VPS13C: variants seen among roughly 807,000 people sequenced by gnomAD.
VPS13C encodes the protein vacuolar protein sorting 13 homolog C, also known as intermembrane lipid transfer protein VPS13C.
VPS13C carries 358 observed loss-of-function variants against 456.8 expected under a neutral mutation model. The ratio of observed to expected loss-of-function variants is 0.78; its 90% confidence interval spans 0.72 to 0.86. The LOEUF (loss-of-function observed/expected upper bound fraction) is 0.86. Among genes scored for constraint, VPS13C ranks in the 40% least tolerant of loss-of-function variants. The pLI is 0.00. For synonymous variants in VPS13C, 1,578 were observed against 1,486.7 expected (o/e 1.06, Z -1.41); for missense variants, 4,818 against 4,385.4 (o/e 1.10, Z -2.79).
intron 57 of VPS13C, 70 bp from the exon 58 acceptor site, chr15:61,919,519 G>A: frequency 7.4e-7 from 1 of 1,351,874 alleles, no homozygotes; most frequent in East Asian, 2.8e-5. Context: ...ACAATCATTA[G>A]TACCTCAAAA....
intron 45 of VPS13C, 131 bp from the exon 46 acceptor site, chr15:61,942,198 TAG>T: frequency 2.4e-6 from 2 of 819,628 alleles, no homozygotes; most frequent in Admixed American, 6.2e-5. Context: ...TTTGTGTATG[TAG>T]AGAGTGAAGT....
chr15:62,031,282 A>G (rs1490617171), intron 5 of VPS13C, among the ~76,000 whole-genome samples: 2 of 152,052 alleles, frequency 1.3e-5, no homozygotes, highest in East Asian at 1.9e-4. Flanking sequence ...GAGTTGAATC[A>G]TCTCCTCTCC....
intron 1 of VPS13C, among the ~76,000 whole-genome samples, chr15:62,056,254 G>C (rs766753395): frequency 2.0e-5 from 3 of 152,166 alleles, no homozygotes; most frequent in Non-Finnish European, 4.4e-5. Context: ...ATAGATCTTA[G>C]AGATATATGA....
intron 15 of VPS13C, among the ~76,000 whole-genome samples, chr15:62,005,985 T>G (rs1036595909): frequency 6.6e-6 from 1 of 151,996 alleles, no homozygotes; most frequent in African/African-American, 2.4e-5. Flanking sequence ...ATTATAGGTG[T>G]GAGCCACCAC....
At chr15:62,030,084 G>A (rs1347743235) in intron 5 of VPS13C, among the ~76,000 whole-genome samples, 1 of 152,040 alleles carries the variant, frequency 6.6e-6, no homozygotes, top group Non-Finnish European at 1.5e-5. Flanking sequence ...AGAGACAACA[G>A]GGTGGTACAG....
intron 68 of VPS13C, 97 bp from the exon 69 acceptor site, chr15:61,882,833 T>C: frequency 7.7e-7 from 1 of 1,292,942 alleles, no homozygotes; most frequent in Non-Finnish European, 1.0e-6. Flanking sequence ...AAAAAATCTT[T>C]ATCTTTATGT....
intron 15 of VPS13C, among the ~76,000 whole-genome samples, chr15:62,000,983 T>C (rs988647474): frequency 6.6e-6 from 1 of 152,208 alleles, no homozygotes; most frequent in Non-Finnish European, 1.5e-5. Flanking sequence ...CCCCCATTCT[T>C]ATCATTACAT....
intron 66 of VPS13C, among the ~76,000 whole-genome samples, chr15:61,900,587 C>A (rs2042967134): frequency 6.6e-6 from 1 of 151,592 alleles, no homozygotes. Flanking sequence ...GAACTACAAA[C>A]CACTGCTCAA....
chr15:61,854,251 G>C lies in VPS13C; in HGVS notation c.*206C>G. The stretch of plus-strand genomic sequence containing the variant: ...TCTGACCCATTTGGGTGGTGGCGTA[G>C]AAGTGGACTGCTAGCATATACATGG... On this transcript the variant is annotated 3_prime_UTR_variant, in exon 85 of 85. Transcript: ENST00000644861. The C allele has an allele frequency of 1.7e-6, 1 of 589,830 alleles. No individual in the cohort carries two copies. Among genetic ancestry groups the C allele is most frequent in the Non-Finnish European group, 3.0e-6 (1 of 331,488 alleles). The allele number at this position is 589,830 out of a possible 1,614,324, so 36.5% of individuals were successfully genotyped here.
chr15:61,967,827 C>T (rs1226216190), intron 28 of VPS13C, among the ~76,000 whole-genome samples: 1 of 151,810 alleles, frequency 6.6e-6, no homozygotes, highest in East Asian at 1.9e-4. Context: ...AACTGTTAAA[C>T]TCCTTTTTAA....
intron 18 of VPS13C, among the ~76,000 whole-genome samples, chr15:61,985,288 T>C (rs905119648): frequency 6.6e-6 from 1 of 152,182 alleles, no homozygotes; most frequent in Non-Finnish European, 1.5e-5. Context: ...GACAGAGACT[T>C]GCTCTATTGC....
chr15:61,930,949 T>A, intron 50 of VPS13C, 141 bp downstream of exon 50: 1 of 918,006 alleles, frequency 1.1e-6, no homozygotes. Flanking sequence ...TTAGCACTAC[T>A]TCTTAATGCA....
At chr15:62,054,513 T>G (rs547599325) in intron 1 of VPS13C, among the ~76,000 whole-genome samples, 1 of 152,222 alleles carries the variant, frequency 6.6e-6, no homozygotes, top group Admixed American at 6.5e-5. Flanking sequence ...TAAGTGGGAT[T>G]TGAACAATGA....
chr15:61,920,167 G>A lies in VPS13C; in HGVS notation c.7377C>T (p.Gly2459=), dbSNP rs1434374575. 1.9e-6 allele frequency: 3 copies of A among 1,613,402 alleles called. No individual in the cohort carries two copies. Among genetic ancestry groups the A allele is most frequent in the Non-Finnish European group, 1.7e-6 (2 of 1,179,638 alleles). ...EKSDIFDVDA[G]QNLELEYASM... is the part of the protein sequence containing the mutation. ...TGGCATACTCCAGTTCCAAATTCTG[G>A]CCAGCATCAACATCAAAAATATCAC... Residue 2459 remains glycine (G), a synonymous_variant, in exon 57 of 85, where the codon GGC becomes GGT. Transcript: ENST00000644861.
chr15:61,984,509 T>C (rs1388265844), intron 19 of VPS13C, among the ~76,000 whole-genome samples: 1 of 152,258 alleles, frequency 6.6e-6, no homozygotes, highest in Non-Finnish European at 1.5e-5. Flanking sequence ...TAATGTTATA[T>C]AGTTCTTGAA....
At chr15:61,857,268 T>C (rs989969008) in intron 82 of VPS13C, among the ~76,000 whole-genome samples, 2 of 152,134 alleles carry the variant, frequency 1.3e-5, no homozygotes, top group East Asian at 1.9e-4. Flanking sequence ...AGACAAGTGC[T>C]GTAACAGAGT....
Position 61,963,920 on chromosome 15 carries a change from A to C in VPS13C, c.3246T>G (p.Ile1082Met). 6.2e-7 allele frequency: 1 copy of C among 1,611,378 alleles called. No homozygotes were observed. Among genetic ancestry groups the C allele is most frequent in the Non-Finnish European group, 8.5e-7 (1 of 1,178,034 alleles). The change falls in exon 32 of 85, where the codon ATT becomes ATG. Residue 1082 changes from isoleucine (I) to methionine (M), a missense_variant. Ile to Met is a conservative substitution (Grantham distance 10). Around this residue, in one of 3 missense-constraint regions of VPS13C, gnomAD observed 4,552 missense variants for 4,130.6 expected, o/e 1.10. Transcript: ENST00000644861. ...TCAACTTGGCAAATAGCCTGAAATC[A>C]ATAATGTCACTATCTCTGGAGGATA... Reference protein sequence around the residue: ...AIVSSRDSDIIDFRLFAKLNA... With the variant: ...AIVSSRDSDIMDFRLFAKLNA...
chr15:61,934,527 T>C (rs997590896), intron 48 of VPS13C, among the ~76,000 whole-genome samples, 196 bp from the exon 49 acceptor site: 2 of 152,136 alleles, frequency 1.3e-5, no homozygotes, highest in African/African-American at 4.8e-5. Flanking sequence ...CCATATATAT[T>C]TAGCATATAT....
intron 24 of VPS13C, 77 bp downstream of exon 24, chr15:61,977,005 C>A: frequency 9.8e-7 from 1 of 1,018,072 alleles, no homozygotes; most frequent in Non-Finnish European, 1.5e-6. Flanking sequence ...TCTATCTTTG[C>A]TTCCTTAAAT....
Sources: allele counts gnomAD v4.1 joint callset (sites outside exome capture counted in the v4.1 genomes callset), GRCh38; gene constraint gnomAD v4.1.1; regional missense constraint gnomAD v4.1.1; transcripts MANE v1.5; gene names NCBI Gene and HGNC (gene_info 2026-07-23, HGNC 2026-07-21).